The following DNPEP variants were observed in gnomAD, a reference collection of about 807,000 sequenced individuals.
DNPEP encodes aspartyl aminopeptidase.
In DNPEP, 46 loss-of-function variants were observed where a neutral mutation model predicts 59.1. The ratio of observed to expected loss-of-function variants is 0.78; its 90% confidence interval spans 0.61 to 0.99. The LOEUF is 0.99. DNPEP is among the 50% of genes least tolerant of loss of function. The probability of loss-of-function intolerance (pLI) is 0.00; values close to 1 mark genes in which losing one functional copy is unlikely to be tolerated. For synonymous variants in DNPEP, 229 were observed against 242.2 expected (o/e 0.95, Z 0.50); for missense variants, 617 against 649.9 (o/e 0.95, Z 0.55).
At position 219,382,081 on chromosome 2, in the gene DNPEP, C is replaced by T. The variant is rs374750626; in HGVS notation, c.995G>A (p.Arg332Gln). ...QSLLTELVLR[R>Q]ISASCQHPTA... The stretch of plus-strand genomic sequence containing the variant: ...CGGGTGCTGGCACGAGGCTGAGATC[C>T]GCCGCAGCACCAGCTCTGTCAGCAG... Residue 332 changes from arginine to glutamine, a missense_variant, in exon 11 of 15, where the codon CGG becomes CAG. Physicochemically the swap from Arg to Gln is conservative, Grantham distance 43 (BLOSUM62 1). Coordinates refer to ENST00000273075, the MANE Select transcript of DNPEP (RefSeq NM_012100.4). The T allele has an allele frequency of 1.1e-5, 17 of 1,613,794 alleles. No homozygotes were observed. The highest frequency in any genetic ancestry group is 2.7e-5 in the African/African-American group (2 of 74,934).
At chr2:219,387,439 A>T (rs1953897426) in intron 1 of DNPEP, 1 of 1,425,884 alleles carries the variant, frequency 7.0e-7, no homozygotes. Context: ...CCAGCTAGGA[A>T]ATCCTGTTCT....
At chr2:219,394,660 C>G (rs549817896) in intron 1 of DNPEP, among the ~76,000 whole-genome samples, 3 of 152,290 alleles carry the variant, frequency 2.0e-5, no homozygotes, top group Non-Finnish European at 4.4e-5. Context: ...TGTCCAATCT[C>G]ATGACTTTAA....
At chr2:219,387,581 C>G in intron 1 of DNPEP, 178 bp downstream of exon 1, 5 of 1,512,674 alleles carry the variant, frequency 3.3e-6, no homozygotes, top group Non-Finnish European at 4.4e-6. Flanking sequence ...CCCACCTAGT[C>G]TCTCGCAGGA....
In DNPEP at chr2:219,386,765, C is replaced by T. The variant is rs1953859071; in HGVS notation, c.233G>A (p.Arg78Lys). Residue 78 changes from arginine (R) to lysine (K), a missense_variant, in exon 4 of 15, where the codon AGG becomes AAG. Coordinates refer to ENST00000273075, the MANE Select transcript of DNPEP (RefSeq NM_012100.4). ...AAAAGCTATGATGGTGGAGGAGTTC[C>T]TGGTCATGAAGTACTGAGGAGAAGG... is the stretch of plus-strand genomic sequence containing the variant. ...IKPESKYFMTRNSSTIIAFAV... is the reference protein window; with the variant it reads ...IKPESKYFMTKNSSTIIAFAV... 1.2e-6 allele frequency: 2 copies of T among 1,613,034 alleles called. No individual in the cohort carries two copies. Among genetic ancestry groups the T allele is most frequent in the African/African-American group, 2.7e-5 (2 of 74,900 alleles).
intron 9 of DNPEP, among the ~76,000 whole-genome samples, chr2:219,383,926 T>C (rs191829645): frequency 6.6e-6 from 1 of 151,610 alleles, no homozygotes. Flanking sequence ...TCAAGGTGAC[T>C]AGGAAGAGAG....
In DNPEP at chr2:219,374,928, G is replaced by C. The variant is rs376780714; in HGVS notation, c.1334C>G (p.Pro445Arg). The C allele has an allele frequency of 6.2e-7, 1 of 1,614,132 alleles. No homozygotes were observed. Among genetic ancestry groups the C allele is most frequent in the Non-Finnish European group, 8.5e-7 (1 of 1,180,022 alleles). The change falls in exon 14 of 15, where the codon CCC becomes CGC. Residue 445 changes from proline to arginine, a missense_variant. By Grantham distance (103) the Pro-to-Arg change is moderately radical. Transcript: ENST00000273075. ...CCGGATAGAGTGCATGGCCAGTTGG[G>C]GGCTGCCTAAATCCAGCACCCGCAG... Reference protein sequence around the residue: ...LGLRVLDLGSPQLAMHSIREM... With the variant: ...LGLRVLDLGSRQLAMHSIREM...
chr2:219,383,050 G>A, intron 10 of DNPEP, 81 bp downstream of exon 10: 2 of 1,356,974 alleles, frequency 1.5e-6, no homozygotes, highest in Non-Finnish European at 2.1e-6. Flanking sequence ...GAAGAGCCCT[G>A]GCTCACGGTG....
At chr2:219,397,313 T>C (rs1954115300) in intron 1 of DNPEP, among the ~76,000 whole-genome samples, 1 of 148,394 alleles carries the variant, frequency 6.7e-6, no homozygotes, top group Non-Finnish European at 1.5e-5. Context: ...TGGCAAACAC[T>C]ACAAATCAGG....
intron 8 of DNPEP, 57 bp from the exon 9 acceptor site, chr2:219,384,500 T>A: frequency 6.8e-7 from 1 of 1,476,984 alleles, no homozygotes; most frequent in Non-Finnish European, 9.3e-7. Flanking sequence ...CTCACCTTTC[T>A]TTTGCTCCCA....
In DNPEP at chr2:219,386,718, G is replaced by A; in HGVS notation, c.280C>T (p.Pro94Ser). Residue 94 changes from proline (P) to serine (S), a missense_variant, in exon 4 of 15, where the codon CCT becomes TCT. Physicochemically the swap from Pro to Ser is moderately conservative, Grantham distance 74 (BLOSUM62 -1). Coordinates refer to ENST00000273075, the MANE Select transcript of DNPEP (RefSeq NM_012100.4). ...IAFAVGGQYV[P>S]GNGFSLIGAH... ...CCGATGAGGCTGAAGCCATTGCCAG[G>A]AACGTACTGGCCCCCTACAGCAAAA... 6.2e-7 allele frequency: 1 copy of A among 1,613,176 alleles called. No homozygotes were observed. Among genetic ancestry groups the A allele is most frequent in the Non-Finnish European group, 8.5e-7 (1 of 1,179,798 alleles).
intron 13 of DNPEP, 65 bp from the exon 14 acceptor site, chr2:219,375,087 C>A: frequency 1.3e-6 from 2 of 1,557,586 alleles, no homozygotes; most frequent in South Asian, 2.3e-5. Flanking sequence ...AGGAGGACGC[C>A]ATCTTAGAAT....
intron 1 of DNPEP, 191 bp downstream of exon 1, chr2:219,387,567 CG>C (rs1953904428): frequency 1.2e-4 from 1 of 8,350 alleles, no homozygotes; most frequent in Non-Finnish European, 2.5e-3. Flanking sequence ...ACTCCTCTCT[CG>C]CACCCACCTA....
chr2:219,385,623 T>C lies in DNPEP; in HGVS notation c.666+8A>G. The C allele has an allele frequency of 6.2e-7, 1 of 1,612,950 alleles. No homozygotes were observed. Among genetic ancestry groups the C allele is most frequent in the Non-Finnish European group, 8.5e-7 (1 of 1,179,330 alleles). On this transcript the variant is annotated splice_region_variant and intron_variant, in intron 7 of 14. Coordinates refer to ENST00000273075, the MANE Select transcript of DNPEP (RefSeq NM_012100.4). ...GCCGCCCTCCCCATGATCAGGAGACTCTCTTACCACAGCATTGAGAGGCCC... is the reference window on the plus strand; with the variant it reads ...GCCGCCCTCCCCATGATCAGGAGACCCTCTTACCACAGCATTGAGAGGCCC...
chr2:219,374,468 C>T, intron 14 of DNPEP, 126 bp from the exon 15 acceptor site: 1 of 838,778 alleles, frequency 1.2e-6, no homozygotes, highest in Non-Finnish European at 1.9e-6. Context: ...TTCTTGACAG[C>T]CACCCCAGTC....
chr2:219,385,228 G>A, intron 8 of DNPEP, 196 bp downstream of exon 8: 1 of 549,504 alleles, frequency 1.8e-6, no homozygotes, highest in East Asian at 2.9e-5. Context: ...AGTCCTAGTG[G>A]GCAGGTCTGG....
In DNPEP at chr2:219,386,950, T is replaced by C. The variant is rs780951617; in HGVS notation, c.161A>G (p.Gln54Arg). 35 of 1,583,868 alleles carry C rather than the reference T, an allele frequency of 2.2e-5. No individual in the cohort carries two copies. The highest frequency in any genetic ancestry group is 2.9e-5 in the Non-Finnish European group (34 of 1,160,762). ...CTCCTTGAGTTCACTGAAGCCAGCCTGGAGAAGGCGGTTGCGGCATTCAGC... is the reference window on the plus strand; with the variant it reads ...CTCCTTGAGTTCACTGAAGCCAGCCCGGAGAAGGCGGTTGCGGCATTCAGC... Reference protein sequence around the residue: ...AVAECRNRLLQAGFSELKETE... With the variant: ...AVAECRNRLLRAGFSELKETE... Residue 54 changes from glutamine to arginine, a missense_variant, in exon 3 of 15, where the codon CAG (glutamine) becomes CGG (arginine). Gln to Arg is a conservative substitution (Grantham distance 43, BLOSUM62 1). Transcript: ENST00000273075.
Position 219,398,562 on chromosome 2 carries a change from A to G in DNPEP, c.-158+1378T>C, listed in dbSNP as rs149509443. ...CTACTTGGGAGGATGAGGCAGGAGA[A>G]TCGCTTGAACCCAGGAGATGGAGGT... On this transcript the variant is annotated intron_variant, in intron 1 of 6. Transcript: ENST00000434339. Among the ~76,000 whole-genome samples the G allele has an allele frequency of 9.1e-3, 1,380 of 152,284 alleles. 21 individuals carry two copies. The highest frequency in any genetic ancestry group is 0.031 in the African/African-American group (1,299 of 41,552).
chr2:219,381,606 C>A (rs751959962), intron 11 of DNPEP, 22 bp from the exon 12 acceptor site: 30 of 1,613,698 alleles, frequency 1.9e-5, no homozygotes, highest in Non-Finnish European at 2.4e-5. Flanking sequence ...AGATAAGGGC[C>A]AGACATAGCA....
intron 1 of DNPEP, among the ~76,000 whole-genome samples, chr2:219,396,767 G>A (rs4674389): frequency 0.98 from 149,309 of 152,278 alleles, 73,245 homozygotes; most frequent in East Asian, 1. Flanking sequence ...CATTTTACCT[G>A]TGTCACTTTC....
Sources: allele counts gnomAD v4.1 joint callset (sites outside exome capture counted in the v4.1 genomes callset), GRCh38; gene constraint gnomAD v4.1.1; transcripts MANE v1.5; gene names NCBI Gene and HGNC (gene_info 2026-07-23, HGNC 2026-07-21).